The following EPM2A variants were observed in gnomAD, a reference collection of about 807,000 sequenced individuals.
EPM2A encodes EPM2A glucan phosphatase, laforin, also known as laforin.
Under a neutral mutation model 26.5 loss-of-function variants are expected in EPM2A, and 21 were observed. The observed-to-expected ratio is 0.79, with a 90% CI of 0.56 to 1.14. The LOEUF (loss-of-function observed/expected upper bound fraction) is 1.14, where lower values mean the gene tolerates loss of function less well. Ranked by LOEUF, EPM2A falls within the 50% of genes most tolerant of loss-of-function variation. The pLI is 0.00. For synonymous variants in EPM2A, 217 were observed against 177.6 expected (o/e 1.22, Z -1.76); for missense variants, 458 against 440.8 (o/e 1.04, Z -0.35).
At chr6:145,733,306 TAA>T (rs67187505) in intron 1 of EPM2A, among the ~76,000 whole-genome samples, 1 of 151,108 alleles carries the variant, frequency 6.6e-6, no homozygotes, top group Non-Finnish European at 1.5e-5. Context: ...AAAATAATAG[TAA>T]AAAAAAATCA....
At chr6:145,632,635 A>G (rs2128560053) in intron 3 of EPM2A, among the ~76,000 whole-genome samples, 1 of 152,368 alleles carries the variant, frequency 6.6e-6, no homozygotes, top group East Asian at 1.9e-4. Flanking sequence ...TGTGACAACT[A>G]GCGGTGACAG....
intron 4 of EPM2A, among the ~76,000 whole-genome samples, chr6:145,440,489 AG>A (rs1779048025): frequency 6.6e-6 from 1 of 152,148 alleles, no homozygotes; most frequent in East Asian, 1.9e-4. Context: ...CCTTCCCAAT[AG>A]TCCCCAAAGT....
At chr6:145,418,362 T>C (rs1049357583) in intron 4 of EPM2A, among the ~76,000 whole-genome samples, 3 of 152,180 alleles carry the variant, frequency 2.0e-5, no homozygotes, top group African/African-American at 7.2e-5. Context: ...GAATATCTCC[T>C]CCATTGTGTG....
At chr6:145,731,317 C>A (rs1193542817) in intron 1 of EPM2A, among the ~76,000 whole-genome samples, 2 of 152,116 alleles carry the variant, frequency 1.3e-5, no homozygotes, top group Non-Finnish European at 2.9e-5. Flanking sequence ...ACCACCACAG[C>A]TACCCCTACT....
intron 4 of EPM2A, among the ~76,000 whole-genome samples, chr6:145,400,491 G>C (rs915932196): frequency 1.3e-5 from 2 of 152,052 alleles, no homozygotes; most frequent in African/African-American, 4.8e-5. Flanking sequence ...ATTGACCCCC[G>C]CCCTTTTTTG....
chr6:145,488,522 TGAGAGAGAGAGAGA>T (rs200590979), intron 4 of EPM2A, among the ~76,000 whole-genome samples: 1 of 139,920 alleles, frequency 7.1e-6, no homozygotes, highest in Non-Finnish European at 1.5e-5. Flanking sequence ...TGTGTGTGTG[TGAGAGAGAGAGAGA>T]GAGAGAGAGA....
At chr6:145,664,668 C>A (rs1227450342) in intron 2 of EPM2A, among the ~76,000 whole-genome samples, 3 of 152,120 alleles carry the variant, frequency 2.0e-5, no homozygotes, top group East Asian at 1.9e-4. Flanking sequence ...CGGACCTAAT[C>A]GACATCTACA....
intron 2 of EPM2A, among the ~76,000 whole-genome samples, chr6:145,577,355 C>A (rs1781045816): frequency 1.3e-5 from 2 of 148,284 alleles, no homozygotes; most frequent in African/African-American, 2.6e-5. Context: ...AAAAACTTTT[C>A]CATGAAAATG....
intron 1 of EPM2A, among the ~76,000 whole-genome samples, chr6:145,693,238 G>A (rs1383935005): frequency 6.6e-6 from 1 of 151,956 alleles, no homozygotes; most frequent in Non-Finnish European, 1.5e-5. Context: ...ATATAGAAAT[G>A]CTATGATTTT....
intron 4 of EPM2A, chr6:145,491,909 A>C: frequency 2.1e-6 from 1 of 480,004 alleles, no homozygotes. Context: ...AATTGAAAGA[A>C]TTTATAGAAG....
chr6:145,466,225 A>C (rs986424212), intron 4 of EPM2A, among the ~76,000 whole-genome samples: 24 of 151,854 alleles, frequency 1.6e-4, no homozygotes, highest in Non-Finnish European at 3.2e-4. Flanking sequence ...ATGGGAGAAA[A>C]TTTTCGCAAC....
At chr6:145,563,273 TA>T (rs145866923) in intron 2 of EPM2A, among the ~76,000 whole-genome samples, 8 of 150,272 alleles carry the variant, frequency 5.3e-5, no homozygotes, top group Admixed American at 2.0e-4. Context: ...TGGTTAAACA[TA>T]AAAAAAAATG....
rs74925507 is a variant in EPM2A at position 145,562,624 on chromosome 6, G to T, written c.341-60049C>A. ...AGTCATGAAGAGGGCCTGAGTTGAT[G>T]TAGAATTCAGGTCTGGGGAGGCCAC... On this transcript the variant is annotated intron_variant, in intron 2 of 3. Transcript: ENST00000450221. Among the ~76,000 whole-genome samples the T allele has an allele frequency of 5.2e-3, 785 of 152,186 alleles. 8 individuals are homozygous for T. Among genetic ancestry groups the T allele is most frequent in the African/African-American group, 0.018 (747 of 41,522 alleles).
At chr6:145,541,076 A>T (rs1321687689) in intron 2 of EPM2A, among the ~76,000 whole-genome samples, 1 of 152,014 alleles carries the variant, frequency 6.6e-6, no homozygotes, top group Non-Finnish European at 1.5e-5. Context: ...CCTAATTTTA[A>T]AGATGTGAGC....
intron 4 of EPM2A, among the ~76,000 whole-genome samples, chr6:145,414,110 C>T (rs1049898583): frequency 6.6e-6 from 1 of 152,140 alleles, no homozygotes; most frequent in African/African-American, 2.4e-5. Context: ...TGATCTTCCT[C>T]TTGGGCAGGA....
chr6:145,616,011 AG>A (rs1343225970), intron 2 of EPM2A, among the ~76,000 whole-genome samples: 14 of 152,370 alleles, frequency 9.2e-5, no homozygotes, highest in Non-Finnish European at 1.9e-4. Flanking sequence ...AATTTAGGCA[AG>A]CTGCAGAAAT....
chr6:145,601,839 T>C (rs955144076), intron 2 of EPM2A, among the ~76,000 whole-genome samples: 1 of 152,166 alleles, frequency 6.6e-6, no homozygotes, highest in Non-Finnish European at 1.5e-5. Flanking sequence ...CCAGGTATTG[T>C]GTGAACTAAA....
intron 4 of EPM2A, among the ~76,000 whole-genome samples, chr6:145,467,919 T>A (rs972016279): frequency 6.6e-6 from 1 of 152,120 alleles, no homozygotes; most frequent in Non-Finnish European, 1.5e-5. Context: ...GGAAATATTA[T>A]TGTGCATTAA....
chr6:145,546,104 A>G (rs1191452128), intron 2 of EPM2A, among the ~76,000 whole-genome samples: 1 of 152,162 alleles, frequency 6.6e-6, no homozygotes, highest in Non-Finnish European at 1.5e-5. Context: ...TGGAAGTCTC[A>G]CTATCTGTCA....
Sources: gnomAD v4.1 joint callset for allele counts (sites outside exome capture counted in the v4.1 genomes callset) on GRCh38, gnomAD v4.1.1 for gene constraint, MANE v1.5 for transcripts, NCBI Gene and HGNC (gene_info 2026-07-23, HGNC 2026-07-21) for gene names.